PTPN3: variants seen among roughly 807,000 people sequenced by gnomAD.
PTPN3 encodes the protein protein tyrosine phosphatase non-receptor type 3, also known as tyrosine-protein phosphatase non-receptor type 3.
Under a neutral mutation model 132.7 loss-of-function variants are expected in PTPN3, and 96 were observed. That is an observed-to-expected ratio of 0.72 (90% CI 0.61 to 0.86). The LOEUF (loss-of-function observed/expected upper bound fraction) is 0.86. Among genes scored for constraint, PTPN3 ranks in the 40% least tolerant of loss-of-function variants. The pLI is 0.00. For synonymous variants in PTPN3, 398 were observed against 429.0 expected, an observed-to-expected ratio of 0.93 and a Z score of 0.89; for missense variants, 1,125 against 1,159.6, an observed-to-expected ratio of 0.97 and a Z score of 0.43.
Position 109,382,217 on chromosome 9 carries a change from G to A in PTPN3, c.2528+85C>T, listed in dbSNP as rs1839162599. 23 of 1,466,302 alleles carry A rather than the reference G, an allele frequency of 1.6e-5. No homozygotes were observed. The South Asian group carries it at 2.9e-4, about 18-fold the overall frequency. The allele number at this position is 1,466,302 out of a possible 1,614,324, so 90.8% of individuals were successfully genotyped here. A position where few individuals can be genotyped will look rare whatever the true frequency, so the allele number is the denominator to read the frequency against. On this transcript the variant is annotated intron_variant, in intron 24 of 25. Coordinates refer to ENST00000374541, the MANE Select transcript of PTPN3 (RefSeq NM_002829.4). Reference sequence around the variant, plus strand: ...GGGCACACGACTTTGTGGGATGTAGGGTGGGTCTGGCGCCTGCCAATTGTC... The same window carrying A: ...GGGCACACGACTTTGTGGGATGTAGAGTGGGTCTGGCGCCTGCCAATTGTC...
chr9:109,444,620 CAT>C (rs1376827231), intron 7 of PTPN3, among the ~76,000 whole-genome samples: 1 of 151,354 alleles, frequency 6.6e-6, no homozygotes, highest in Non-Finnish European at 1.5e-5. Context: ...TTAAATAAAA[CAT>C]AAAAAACCTC....
intron 22 of PTPN3, among the ~76,000 whole-genome samples, chr9:109,387,580 T>G (rs1839701006): frequency 1.3e-5 from 2 of 152,164 alleles, no homozygotes; most frequent in South Asian, 4.1e-4. Context: ...TAGCTCATTC[T>G]TAATTCTCAA....
At chr9:109,402,053 AG>A (rs1220185117) in intron 19 of PTPN3, among the ~76,000 whole-genome samples, 3 of 152,136 alleles carry the variant, frequency 2.0e-5, no homozygotes, top group Non-Finnish European at 4.4e-5. Context: ...TTCCCTCATC[AG>A]GTTCCTGATC....
chr9:109,456,596 C>T (rs1038471371), intron 4 of PTPN3, among the ~76,000 whole-genome samples: 5 of 152,166 alleles, frequency 3.3e-5, no homozygotes, highest in Non-Finnish European at 7.3e-5. Context: ...GGGAACAATG[C>T]TGGCAATGTT....
At chr9:109,490,701 T>C (rs1847421640) in intron 1 of PTPN3, among the ~76,000 whole-genome samples, 1 of 151,914 alleles carries the variant, frequency 6.6e-6, no homozygotes, top group African/African-American at 2.4e-5. Flanking sequence ...ACTGAGCCAC[T>C]GCACTCCAGC....
chr9:109,401,701 T>C (rs1041256987), intron 19 of PTPN3, among the ~76,000 whole-genome samples: 1 of 152,138 alleles, frequency 6.6e-6, no homozygotes. Flanking sequence ...GGTGGTCACC[T>C]AGAGGCATTG....
At chr9:109,380,214 A>AATCTAGCT (rs1554773464) in intron 25 of PTPN3, among the ~76,000 whole-genome samples, 2 of 145,902 alleles carry the variant, frequency 1.4e-5, no homozygotes, top group East Asian at 4.1e-4. Context: ...CAGCTAGGAA[A>AATCTAGCT]ATCTATCTAT....
chr9:109,403,502 C>T (rs192962670), intron 19 of PTPN3, among the ~76,000 whole-genome samples: 165 of 152,042 alleles, frequency 1.1e-3, no homozygotes, highest in African/African-American at 3.8e-3. Flanking sequence ...GGTGTTATTT[C>T]TTTTATTACA....
In PTPN3 at chr9:109,379,646, A is replaced by AT. The variant is rs749114115; in HGVS notation, c.2665-14_2665-13insA. On this transcript the variant is annotated splice_polypyrimidine_tract_variant and intron_variant, in intron 25 of 25. Coordinates refer to ENST00000374541, the MANE Select transcript of PTPN3 (RefSeq NM_002829.4). ...ACTTGTACTGGCTCTGGAAAAGAAAAAAATGCTGTCAAGTCCTGTAGCTCC... is the reference window on the plus strand; with the variant it reads ...ACTTGTACTGGCTCTGGAAAAGAAAATAAATGCTGTCAAGTCCTGTAGCTCC... 14 of 1,609,660 alleles carry AT rather than the reference A, an allele frequency of 8.7e-6. No homozygotes were observed. Among genetic ancestry groups the AT allele is most frequent in the Non-Finnish European group, 1.2e-5 (14 of 1,175,994 alleles).
the PTPN3 span, among the ~76,000 whole-genome samples, chr9:109,523,237 C>T: frequency 6.6e-6 from 1 of 151,976 alleles, no homozygotes; most frequent in Non-Finnish European, 1.5e-5. Flanking sequence ...GCCTCAGCCT[C>T]CCGAGTAGCT....
Position 109,419,177 on chromosome 9 carries a change from C to T in PTPN3, c.1313+1247G>A, listed in dbSNP as rs558044089. Reference sequence around the variant, plus strand: ...GCTCAGGTCACAAGGAAAGAATGACCACAGGGATTATTTAACCAGAGGTGT... The same window carrying T: ...GCTCAGGTCACAAGGAAAGAATGACTACAGGGATTATTTAACCAGAGGTGT... On this transcript the variant is annotated intron_variant, in intron 14 of 25. Coordinates refer to ENST00000374541, the MANE Select transcript of PTPN3 (RefSeq NM_002829.4). Among the ~76,000 whole-genome samples, 13 of 152,302 alleles carry T rather than the reference C, an allele frequency of 8.5e-5. No homozygotes were observed. In the South Asian group the frequency reaches 2.7e-3, roughly 32 times the overall value.
intron 14 of PTPN3, among the ~76,000 whole-genome samples, chr9:109,416,895 C>A (rs1842548215): frequency 6.6e-6 from 1 of 152,198 alleles, no homozygotes; most frequent in African/African-American, 2.4e-5. Flanking sequence ...CCCATCAAGA[C>A]AACTGTGATA....
the PTPN3 span, among the ~76,000 whole-genome samples, chr9:109,512,009 A>G: frequency 1.3e-5 from 2 of 152,210 alleles, no homozygotes; most frequent in African/African-American, 4.8e-5. Flanking sequence ...TGTTTAAAAT[A>G]TGCCCACCTC....
chr9:109,445,244 T>C lies in PTPN3; in HGVS notation c.462A>G (p.Val154=). 1.2e-6 allele frequency: 2 copies of C among 1,613,278 alleles called. No homozygotes were observed. Among genetic ancestry groups the C allele is most frequent in the South Asian group, 2.2e-5 (2 of 91,064 alleles). Residue 154 remains valine, a synonymous_variant, in exon 7 of 26, where the codon GTA becomes GTG. Coordinates refer to ENST00000374541, the MANE Select transcript of PTPN3 (RefSeq NM_002829.4). ...NSAVVLASYA[V]QSHFGDYNSS... ...AATGCTCCCTTTGTGACTTACATTGTACGGCATAGGACGCTAGAACCACTG... is the reference window on the plus strand; with the variant it reads ...AATGCTCCCTTTGTGACTTACATTGCACGGCATAGGACGCTAGAACCACTG...
chr9:109,427,836 A>T (rs936340455), intron 11 of PTPN3, among the ~76,000 whole-genome samples: 1 of 152,208 alleles, frequency 6.6e-6, no homozygotes, highest in African/African-American at 2.4e-5. Context: ...AGTGACAGTA[A>T]GTGAAAATCA....
At chr9:109,518,185 A>G in the PTPN3 span, among the ~76,000 whole-genome samples, 1 of 152,202 alleles carries the variant, frequency 6.6e-6, no homozygotes, top group East Asian at 1.9e-4. Flanking sequence ...CCAAGACAGG[A>G]AAACAAAAAC....
At chr9:109,383,112 C>T (rs1041024692) in intron 23 of PTPN3, among the ~76,000 whole-genome samples, 5 of 152,156 alleles carry the variant, frequency 3.3e-5, no homozygotes. Flanking sequence ...TCAAGGTTCC[C>T]CAGTGTTGTA....
At chr9:109,483,158 C>T (rs1847042116) in intron 1 of PTPN3, among the ~76,000 whole-genome samples, 1 of 152,230 alleles carries the variant, frequency 6.6e-6, no homozygotes. Flanking sequence ...ATGGAGCCCT[C>T]CACACCTTCA....
rs112720634 is a variant in PTPN3, at chr9:109,402,168, G to A, written c.1953+2280C>T. Among the ~76,000 whole-genome samples, 991 of 152,252 alleles carry A rather than the reference G, an allele frequency of 6.5e-3. 13 individuals are homozygous for A. Among genetic ancestry groups the A allele is most frequent in the African/African-American group, 0.022 (930 of 41,548 alleles). ...CAAAAAACCGGTATGCACTGTGACT[G>A]GCTCTTAAGTTCTTCCTTGTTTCGA... is the stretch of plus-strand genomic sequence containing the variant. On this transcript the variant is annotated intron_variant, in intron 19 of 25. Coordinates refer to ENST00000374541, the MANE Select transcript of PTPN3 (RefSeq NM_002829.4).
Sources: gnomAD v4.1 joint callset for allele counts (sites outside exome capture counted in the v4.1 genomes callset) on GRCh38, gnomAD v4.1.1 for gene constraint, MANE v1.5 for transcripts, NCBI Gene and HGNC (gene_info 2026-07-23, HGNC 2026-07-21) for gene names.